The following ACVR2A variants were observed in gnomAD, a reference collection of about 807,000 sequenced individuals.
The protein encoded by ACVR2A is activin A receptor type 2A, also known as activin receptor type-2A.
ACVR2A carries 7 observed loss-of-function variants against 61.4 expected under a neutral mutation model. The observed-to-expected ratio is 0.11, with a 90% confidence interval of 0.06 to 0.21. The LOEUF (loss-of-function observed/expected upper bound fraction) is 0.21. Ranked by LOEUF, ACVR2A falls within the 10% of genes least tolerant of loss-of-function variation. ACVR2A has a pLI of 1.00. For synonymous variants in ACVR2A, 193 were observed against 208.3 expected, an observed-to-expected ratio of 0.93 and a Z score of 0.63; for missense variants, 322 against 621.7, an observed-to-expected ratio of 0.52 and a Z score of 5.13.
At chr2:147,870,738 C>A (rs1406201937) in intron 1 of ACVR2A, among the ~76,000 whole-genome samples, 2 of 152,114 alleles carry the variant, frequency 1.3e-5, no homozygotes, top group Admixed American at 6.5e-5. Context: ...ATTTTTCCTT[C>A]TTCCCTTTTA....
intron 9 of ACVR2A, 32 bp downstream of exon 9, chr2:147,923,143 T>C (rs928874961): frequency 5.7e-6 from 9 of 1,591,658 alleles, no homozygotes; most frequent in Admixed American, 1.8e-5. Flanking sequence ...AAAAAAGATA[T>C]ATATGCCTAC....
rs948394676 is a variant in ACVR2A, at chr2:147,923,125, A to T, written c.1216+14A>T. On this transcript the variant is annotated intron_variant, in intron 9 of 10. Transcript: ENST00000241416. The stretch of plus-strand genomic sequence containing the variant: ...CTGCTGCAGATGGTAAGGGAAAAAA[A>T]TATTTTTAAAAAAGATATATATGCC... 69 of 1,600,398 alleles carry T rather than the reference A, an allele frequency of 4.3e-5. No individual in the cohort carries two copies. The highest frequency in any genetic ancestry group is 5.7e-5 in the Non-Finnish European group (67 of 1,175,372).
chr2:147,894,643 T>C lies in ACVR2A; in HGVS notation c.56-1658T>C, dbSNP rs73020034. 2.6e-3 allele frequency among the ~76,000 whole-genome samples: 391 copies of C among 152,272 alleles called. 1 individual carries two copies. The highest frequency in any genetic ancestry group is 8.8e-3 in the African/African-American group (366 of 41,556). On this transcript the variant is annotated intron_variant, in intron 1 of 10. Transcript: ENST00000241416. ...GATCTCATCAGAAAATTCTTTTGAC[T>C]ATTGGAAAGGTTGACACCATCACCT...
At chr2:147,896,587 T>A (rs764827973) in intron 2 of ACVR2A, 79 bp downstream of exon 2, 44 of 1,362,474 alleles carry the variant, frequency 3.2e-5, no homozygotes, top group Non-Finnish European at 4.5e-5. Context: ...GAAAGATCAG[T>A]GCATAAATTT....
chr2:147,924,048 A>G (rs1190519536), intron 9 of ACVR2A, among the ~76,000 whole-genome samples: 9 of 152,082 alleles, frequency 5.9e-5, no homozygotes, highest in Non-Finnish European at 1.2e-4. Context: ...TTCTTCCAGG[A>G]TTGAGGGATT....
chr2:147,881,642 T>C (rs1686303749), intron 1 of ACVR2A, among the ~76,000 whole-genome samples: 1 of 19,966 alleles, frequency 5.0e-5, no homozygotes, highest in Admixed American at 9.3e-4. Flanking sequence ...TGTGTGTGTG[T>C]ATGTGTGTGT....
intron 1 of ACVR2A, among the ~76,000 whole-genome samples, chr2:147,878,371 T>C (rs1686211303): frequency 6.6e-6 from 1 of 152,162 alleles, no homozygotes; most frequent in Non-Finnish European, 1.5e-5. Context: ...ACTTTGGTGA[T>C]TGTTGAAAGG....
At chr2:147,854,519 G>A (rs1037595621) in intron 1 of ACVR2A, among the ~76,000 whole-genome samples, 2 of 152,018 alleles carry the variant, frequency 1.3e-5, no homozygotes, top group African/African-American at 4.8e-5. Flanking sequence ...TAATATTTTG[G>A]ACTAAAACTT....
intron 9 of ACVR2A, 73 bp downstream of exon 9, chr2:147,923,184 C>A: frequency 2.1e-6 from 3 of 1,455,660 alleles, no homozygotes; most frequent in Non-Finnish European, 2.8e-6. Context: ...TGATACACTC[C>A]AAGGTAATAT....
intron 4 of ACVR2A, among the ~76,000 whole-genome samples, chr2:147,907,726 T>G (rs1687019749): frequency 6.6e-6 from 1 of 151,904 alleles, no homozygotes; most frequent in Non-Finnish European, 1.5e-5. Flanking sequence ...GTGGAGTCCA[T>G]AAAAAAACCA....
chr2:147,928,184 G>A lies in ACVR2A; in HGVS notation c.*910G>A, dbSNP rs562871051. The A allele has an allele frequency of 6.6e-6, 1 of 152,194 alleles. No individual in the cohort carries two copies. Among genetic ancestry groups the A allele is most frequent in the Non-Finnish European group, 1.5e-5 (1 of 67,892 alleles). The allele number at this position is 152,194 out of a possible 1,614,324, so 9.4% of individuals were successfully genotyped here. ...TAAGTATTTTTTTTAGGTGTGCTGT[G>A]TTTGGGGAATATTTGAAAATTTAAA... is the stretch of plus-strand genomic sequence containing the variant. On this transcript the variant is annotated 3_prime_UTR_variant, in exon 11 of 11. Transcript: ENST00000241416.
chr2:147,896,564 C>G (rs1686737899), intron 2 of ACVR2A, 56 bp downstream of exon 2: 2 of 1,523,226 alleles, frequency 1.3e-6, no homozygotes, highest in Non-Finnish European at 1.8e-6. Context: ...CACTTCCCCT[C>G]TTTTTGAAAG....
At position 147,899,778 on chromosome 2, in the gene ACVR2A, T is replaced by C. The variant is rs1211237509; in HGVS notation, c.408T>C (p.Tyr136=). The change falls in exon 4 of 11, where the codon TAT becomes TAC. Residue 136 remains tyrosine, a synonymous_variant. Coordinates refer to ENST00000241416, the MANE Select transcript of ACVR2A (RefSeq NM_001616.5). The part of the protein sequence containing the change: ...TSNPVTPKPP[Y]YNILLYSLVP... ...ATCCAGTTACACCTAAGCCACCCTA[T>C]TACAACATCCTGCTCTATTCCTTGG... is the stretch of plus-strand genomic sequence containing the variant. 1 of 1,613,702 alleles carries C rather than the reference T, an allele frequency of 6.2e-7. No homozygotes were observed. The highest frequency in any genetic ancestry group is 1.1e-5 in the South Asian group (1 of 91,040).
intron 1 of ACVR2A, among the ~76,000 whole-genome samples, chr2:147,848,134 G>A (rs764582148): frequency 6.6e-5 from 10 of 152,014 alleles, no homozygotes; most frequent in Non-Finnish European, 1.2e-4. Context: ...GAATCTTTTG[G>A]GATTCTTTTG....
chr2:147,877,422 G>T (rs1353671058), intron 1 of ACVR2A: 1 of 152,106 alleles, frequency 6.6e-6, no homozygotes, highest in Non-Finnish European at 1.5e-5. Context: ...CATAAGCAAG[G>T]TGCTTGCTTT....
chr2:147,855,317 G>T (rs1256052572), intron 1 of ACVR2A, among the ~76,000 whole-genome samples: 1 of 152,220 alleles, frequency 6.6e-6, no homozygotes, highest in Non-Finnish European at 1.5e-5. Flanking sequence ...TTAACTAGCT[G>T]CCTGAAGCAA....
At chr2:147,879,459 G>A (rs1686241102) in intron 1 of ACVR2A, among the ~76,000 whole-genome samples, 1 of 152,172 alleles carries the variant, frequency 6.6e-6, no homozygotes, top group Non-Finnish European at 1.5e-5. Flanking sequence ...TTTGGAAGGG[G>A]TGAACATTTA....
chr2:147,915,679 C>G (rs191213108), intron 5 of ACVR2A, among the ~76,000 whole-genome samples: 50 of 151,558 alleles, frequency 3.3e-4, no homozygotes, highest in African/African-American at 1.2e-3. Flanking sequence ...AGAAAGCAAA[C>G]AAAAAAACAA....
chr2:147,858,122 C>T (rs1269354243), intron 1 of ACVR2A, among the ~76,000 whole-genome samples: 1 of 152,162 alleles, frequency 6.6e-6, no homozygotes, highest in African/African-American at 2.4e-5. Context: ...ATCCATGTCC[C>T]TGCGAAGGAC....
Sources: allele counts gnomAD v4.1 joint callset (sites outside exome capture counted in the v4.1 genomes callset), GRCh38; gene constraint gnomAD v4.1.1; transcripts MANE v1.5; gene names NCBI Gene and HGNC (gene_info 2026-07-23, HGNC 2026-07-21).